Variants in DYDC1 observed in about 807,000 individuals in gnomAD.
DYDC1 encodes the protein DPY30 domain containing 1.
DYDC1 carries 21 observed loss-of-function variants against 27.9 expected under a neutral mutation model. The observed-to-expected ratio is 0.75, with a 90% confidence interval of 0.53 to 1.08. The LOEUF (loss-of-function observed/expected upper bound fraction) is 1.08, where lower values mean the gene tolerates loss of function less well. Among genes scored for constraint, DYDC1 ranks in the 50% least tolerant of loss-of-function variants. DYDC1 has a pLI of 0.00. For synonymous variants in DYDC1, 67 were observed against 65.8 expected (o/e 1.02, Z -0.09); for missense variants, 202 against 205.9 (o/e 0.98, Z 0.12).
At chr10:80,348,678 A>G (rs1179468954) in intron 3 of DYDC1, among the ~76,000 whole-genome samples, 1 of 152,226 alleles carries the variant, frequency 6.6e-6, no homozygotes, top group Non-Finnish European at 1.5e-5. Context: ...GCTTCCATCA[A>G]CCTTCAGTTG....
intron 1 of DYDC1, 153 bp from the exon 2 acceptor site, chr10:80,352,763 G>A: frequency 1.0e-6 from 1 of 1,003,516 alleles, no homozygotes; most frequent in Non-Finnish European, 1.3e-6. Context: ...CTGGCCCCAG[G>A]AAACTTCTAA....
intron 5 of DYDC1, 114 bp from the exon 6 acceptor site, chr10:80,338,685 T>A: frequency 8.9e-7 from 1 of 1,122,568 alleles, no homozygotes; most frequent in Non-Finnish European, 1.2e-6. Flanking sequence ...TCAACATTAT[T>A]AATTAGTGGA....
intron 3 of DYDC1, among the ~76,000 whole-genome samples, chr10:80,343,908 G>A (rs910629561): frequency 6.6e-6 from 1 of 152,130 alleles, no homozygotes; most frequent in South Asian, 2.1e-4. Flanking sequence ...CTGAGGACAG[G>A]AGTTCAAGAC....
intron 4 of DYDC1, among the ~76,000 whole-genome samples, chr10:80,339,909 A>G (rs2132746483): frequency 6.6e-6 from 1 of 152,312 alleles, no homozygotes; most frequent in South Asian, 2.1e-4. Context: ...TATATGGGGA[A>G]CATCCATATT....
chr10:80,345,838 T>C (rs977232333), intron 3 of DYDC1, among the ~76,000 whole-genome samples: 2 of 152,180 alleles, frequency 1.3e-5, no homozygotes, highest in Non-Finnish European at 2.9e-5. Context: ...GATATATATA[T>C]ACAAGATATA....
At chr10:80,356,371 T>TAGCC (rs1843367946) in intron 1 of DYDC1, 11 of 985,620 alleles carry the variant, frequency 1.1e-5, no homozygotes, top group African/African-American at 3.5e-5. Context: ...GGGAGACAGC[T>TAGCC]AGCCAGCCAG....
intron 1 of DYDC1, among the ~76,000 whole-genome samples, chr10:80,355,826 C>A (rs1382360606): frequency 6.6e-6 from 1 of 152,040 alleles, no homozygotes; most frequent in Non-Finnish European, 1.5e-5. Flanking sequence ...ACAAATGAAC[C>A]TAATTCCAAA....
intron 1 of DYDC1, among the ~76,000 whole-genome samples, chr10:80,353,618 G>A (rs530080392): frequency 2.0e-4 from 30 of 151,292 alleles, no homozygotes; most frequent in African/African-American, 6.0e-4. Flanking sequence ...TTGGGAGGCC[G>A]AGGCGGGCGG....
intron 1 of DYDC1, among the ~76,000 whole-genome samples, chr10:80,355,116 T>C (rs1442023439): frequency 6.7e-6 from 1 of 150,054 alleles, no homozygotes; most frequent in Non-Finnish European, 1.5e-5. Context: ...AACAGTAAAA[T>C]TAACACGACA....
intron 4 of DYDC1, 41 bp from the exon 5 acceptor site, chr10:80,339,194 C>T: frequency 1.1e-6 from 1 of 880,150 alleles, no homozygotes; most frequent in Non-Finnish European, 1.6e-6. Flanking sequence ...TGAATATACT[C>T]CATTTTGATT....
chr10:80,353,413 C>T lies in DYDC1; in HGVS notation c.-9-803G>A, dbSNP rs559884465. Among the ~76,000 whole-genome samples the T allele has an allele frequency of 6.6e-3, 999 of 151,426 alleles. 5 individuals are homozygous for T. The highest frequency in any genetic ancestry group is 0.015 in the South Asian group (71 of 4,776). ...TCCTGACCTCGTGATCCGCCCACCT[C>T]GGCCTCCCAAAGTGCTGGGATTACA... On this transcript the variant is annotated intron_variant, in intron 1 of 6. Coordinates refer to ENST00000372202, the MANE Select transcript of DYDC1 (RefSeq NM_001269053.2).
chr10:80,341,885 G>A (rs959184202), intron 4 of DYDC1, among the ~76,000 whole-genome samples: 5 of 151,798 alleles, frequency 3.3e-5, no homozygotes, highest in African/African-American at 1.2e-4. Flanking sequence ...TCAGCCGGGC[G>A]TGGTGGTGCG....
At chr10:80,353,210 T>C (rs1233959237) in intron 1 of DYDC1, among the ~76,000 whole-genome samples, 1 of 151,912 alleles carries the variant, frequency 6.6e-6, no homozygotes, top group Non-Finnish European at 1.5e-5. Flanking sequence ...CTCCAAATAA[T>C]AACATATGAA....
At chr10:80,342,485 A>C in intron 3 of DYDC1, 124 bp from the exon 4 acceptor site, 2 of 789,932 alleles carry the variant, frequency 2.5e-6, no homozygotes, top group South Asian at 2.6e-5. Flanking sequence ...TAGTTTCTAC[A>C]AATGCTTCCT....
At chr10:80,354,106 A>T (rs1398723799) in intron 1 of DYDC1, among the ~76,000 whole-genome samples, 1 of 148,694 alleles carries the variant, frequency 6.7e-6, no homozygotes, top group Admixed American at 6.8e-5. Flanking sequence ...ACAGAGTGAG[A>T]CTCTGTCTCA....
intron 6 of DYDC1, chr10:80,338,248 C>T (rs1419708229): frequency 7.0e-5 from 69 of 985,218 alleles, no homozygotes; most frequent in Non-Finnish European, 8.1e-5. Flanking sequence ...GTCACAGATA[C>T]GGAGATATAG....
intron 6 of DYDC1, chr10:80,337,015 C>A (rs528665599): frequency 3.1e-5 from 19 of 605,940 alleles, no homozygotes; most frequent in Non-Finnish European, 3.5e-5. Flanking sequence ...AGGCAACATA[C>A]AAGACCCAGT....
intron 3 of DYDC1, chr10:80,344,962 C>G (rs1284343742): frequency 6.5e-6 from 1 of 153,544 alleles, no homozygotes; most frequent in Admixed American, 6.5e-5. Context: ...ATACAACCTG[C>G]AGTGAAATCT....
chr10:80,336,057 G>A (rs1203856597), downstream of DYDC1: 3 of 756,964 alleles, frequency 4.0e-6, no homozygotes, highest in African/African-American at 1.8e-5. Context: ...GAAAAAAAAA[G>A]GGGAGTTCAA....
Sources: allele counts gnomAD v4.1 joint callset (sites outside exome capture counted in the v4.1 genomes callset), GRCh38; gene constraint gnomAD v4.1.1; transcripts MANE v1.5; gene names NCBI Gene and HGNC (gene_info 2026-07-23, HGNC 2026-07-21).